NDUFB3: variants seen among roughly 807,000 people sequenced by gnomAD.
NDUFB3 encodes the protein NADH:ubiquinone oxidoreductase subunit B3.
In NDUFB3, 7 loss-of-function variants were observed where a neutral mutation model predicts 9.0. The observed-to-expected ratio is 0.78, with a 90% CI of 0.44 to 1.46. The LOEUF (loss-of-function observed/expected upper bound fraction) is 1.46. Among genes scored for constraint, NDUFB3 ranks in the 40% most tolerant of loss-of-function variants. NDUFB3 has a pLI of 0.01. For missense variants in NDUFB3, 93 were observed against 115.4 expected, an observed-to-expected ratio of 0.81 and a Z score of 0.89; for synonymous variants, 29 against 38.5, an observed-to-expected ratio of 0.75 and a Z score of 0.91.
rs370282012 is a variant in NDUFB3, at chr2:201,074,454, C to CTTT, written c.-3+2413_-3+2415dup. Among the ~76,000 whole-genome samples the CTTT allele has an allele frequency of 1.6e-3, 180 of 113,136 alleles. 7 individuals are homozygous for CTTT. The highest frequency in any genetic ancestry group is 5.3e-3 in the African/African-American group (145 of 27,240). 74.2% of individuals were successfully genotyped at this position (113,136 alleles called of 152,430 possible). ...GGCCATAAGGTATTCATATGTTCAG[C>CTTT]TTTTTTTTTTTTTTTTTTTTGAGAT... On this transcript the variant is annotated intron_variant, in intron 1 of 2. Transcript: ENST00000237889.
chr2:201,085,750 A>G lies in NDUFB3; in HGVS notation c.*135A>G, dbSNP rs1559151106. On this transcript the variant is annotated 3_prime_UTR_variant, in exon 3 of 3. Coordinates refer to ENST00000237889, the MANE Select transcript of NDUFB3 (RefSeq NM_002491.3). ...TCAATTAAAATATATATATATGCCA[A>G]TCTGCTTTTGTCATTCTTAAAAAAA... The G allele has an allele frequency of 3.0e-6, 2 of 659,306 alleles. No homozygotes were observed. Among genetic ancestry groups the G allele is most frequent in the Non-Finnish European group, 4.5e-6 (2 of 441,018 alleles). The allele number at this position is 659,306 out of a possible 1,614,324, so 40.8% of individuals were successfully genotyped here.
chr2:201,072,989 G>A (rs529040843), intron 1 of NDUFB3, among the ~76,000 whole-genome samples: 1 of 152,220 alleles, frequency 6.6e-6, no homozygotes, highest in Non-Finnish European at 1.5e-5. Context: ...TATATAAACA[G>A]TTATACAGTA....
chr2:201,075,773 T>C (rs1278229688), intron 1 of NDUFB3, among the ~76,000 whole-genome samples: 1 of 152,144 alleles, frequency 6.6e-6, no homozygotes, highest in African/African-American at 2.4e-5. Context: ...AATTTTGAAA[T>C]AGTCTTTATA....
Position 201,085,623 on chromosome 2 carries a change from A to T in NDUFB3, c.*8A>T. On this transcript the variant is annotated 3_prime_UTR_variant, in exon 3 of 3. Transcript: ENST00000237889. The stretch of plus-strand genomic sequence containing the variant: ...GATAAGAAGCATCACTGAAGATAAT[A>T]CCTGGAAGCATCATAGTGGTTTCTT... 1 of 1,605,944 alleles carries T rather than the reference A, an allele frequency of 6.2e-7. No individual in the cohort carries two copies. Among genetic ancestry groups the T allele is most frequent in the Non-Finnish European group, 8.5e-7 (1 of 1,176,724 alleles).
intron 1 of NDUFB3, among the ~76,000 whole-genome samples, chr2:201,076,337 C>A (rs1381536123): frequency 6.6e-6 from 1 of 151,658 alleles, no homozygotes; most frequent in Non-Finnish European, 1.5e-5. Context: ...TAGGGAGGGT[C>A]CATCGCTATA....
Position 201,078,919 on chromosome 2 carries a change from A to G in NDUFB3, c.37A>G (p.Lys13Glu). 1.2e-6 allele frequency: 2 copies of G among 1,612,542 alleles called. No homozygotes were observed. The highest frequency in any genetic ancestry group is 1.7e-6 in the Non-Finnish European group (2 of 1,179,632). ...HEHGHEHGHH[K>E]MELPDYRQWK... ...ACATGGACATGAGCATGGACATCAT[A>G]AAATGGAACTTCCAGATTATAGACA... is the stretch of plus-strand genomic sequence containing the variant. The change falls in exon 2 of 3, where the codon AAA becomes GAA. Residue 13 changes from lysine to glutamate, a missense_variant. Physicochemically the swap from Lys to Glu is moderately conservative, Grantham distance 56. Coordinates refer to ENST00000237889, the MANE Select transcript of NDUFB3 (RefSeq NM_002491.3).
At chr2:201,074,922 C>G (rs2047144719) in intron 1 of NDUFB3, among the ~76,000 whole-genome samples, 2 of 152,098 alleles carry the variant, frequency 1.3e-5, no homozygotes, top group African/African-American at 4.8e-5. Flanking sequence ...AACTGAAGTT[C>G]AGGGAAATTA....
At chr2:201,073,462 G>A (rs2047120893) in intron 1 of NDUFB3, among the ~76,000 whole-genome samples, 1 of 152,146 alleles carries the variant, frequency 6.6e-6, no homozygotes, top group Non-Finnish European at 1.5e-5. Flanking sequence ...TGGCTATAAA[G>A]GTTCTTTTAA....
chr2:201,082,757 A>G (rs2047242373), intron 2 of NDUFB3, among the ~76,000 whole-genome samples: 2 of 124,606 alleles, frequency 1.6e-5, no homozygotes, highest in South Asian at 4.9e-4. Flanking sequence ...CCCAGGCCGG[A>G]CTGCGGACTG....
chr2:201,075,528 T>G (rs2047154955), intron 1 of NDUFB3, among the ~76,000 whole-genome samples: 1 of 137,508 alleles, frequency 7.3e-6, no homozygotes, highest in South Asian at 2.2e-4. Flanking sequence ...ATTGCGCCAC[T>G]GTACTACAGC....
intron 2 of NDUFB3, among the ~76,000 whole-genome samples, chr2:201,084,050 G>C (rs1389346002): frequency 6.6e-6 from 1 of 152,110 alleles, no homozygotes; most frequent in African/African-American, 2.4e-5. Context: ...CAGCACTTTG[G>C]GAGGCCGAGG....
chr2:201,080,535 A>T (rs2047211007), intron 2 of NDUFB3, among the ~76,000 whole-genome samples: 1 of 152,060 alleles, frequency 6.6e-6, no homozygotes, highest in Non-Finnish European at 1.5e-5. Context: ...TGGCCACTGC[A>T]CTCCAACCTG....
In NDUFB3 at chr2:201,075,351, G is replaced by C. The variant is rs548571140; in HGVS notation, c.-3+3292G>C. 8.5e-5 allele frequency among the ~76,000 whole-genome samples: 13 copies of C among 152,054 alleles called. No individual in the cohort carries two copies. The South Asian group carries it at 2.7e-3, about 32-fold the overall frequency. Reference sequence around the variant, plus strand: ...GAGACCCAGGTGGGCGGATCACAAGGTCAGGAGATCGAGACCATCCTAGCT... The same window carrying C: ...GAGACCCAGGTGGGCGGATCACAAGCTCAGGAGATCGAGACCATCCTAGCT... On this transcript the variant is annotated intron_variant, in intron 1 of 2. Transcript: ENST00000237889.
chr2:201,080,905 G>A (rs760829102), intron 2 of NDUFB3, among the ~76,000 whole-genome samples: 19 of 150,982 alleles, frequency 1.3e-4, no homozygotes, highest in Admixed American at 7.9e-4. Flanking sequence ...GGGTTTCACC[G>A]TGTTAGCCAG....
intron 2 of NDUFB3, among the ~76,000 whole-genome samples, chr2:201,082,926 G>C (rs1455938128): frequency 6.7e-6 from 1 of 150,268 alleles, no homozygotes; most frequent in African/African-American, 2.5e-5. Context: ...TGTTAGCCAG[G>C]ATGGTCTCGA....
chr2:201,085,443 CTTT>C lies in NDUFB3; in HGVS notation c.141-7_141-5del. On this transcript the variant is annotated splice_polypyrimidine_tract_variant and intron_variant, in intron 2 of 2. Coordinates refer to ENST00000237889, the MANE Select transcript of NDUFB3 (RefSeq NM_002491.3). ...ACGTTGTGTATGATTATAATTTTTT[CTTT>C]TTTTTTTTCTAGCAATGAAGCTTGG... 1 of 1,207,506 alleles carries C rather than the reference CTTT, an allele frequency of 8.3e-7. No homozygotes were observed. The highest frequency in any genetic ancestry group is 1.1e-6 in the Non-Finnish European group (1 of 882,266). The allele number at this position is 1,207,506 out of a possible 1,614,324, so 74.8% of individuals were successfully genotyped here.
chr2:201,084,349 T>C (rs982955476), intron 2 of NDUFB3, among the ~76,000 whole-genome samples: 4 of 151,724 alleles, frequency 2.6e-5, no homozygotes, highest in Non-Finnish European at 4.4e-5. Context: ...TAATCCCAGC[T>C]ACTCAGGAGG....
At chr2:201,079,954 G>C (rs565304940) in intron 2 of NDUFB3, 1 of 152,246 alleles carries the variant, frequency 6.6e-6, no homozygotes, top group South Asian at 2.1e-4. Context: ...TTTTCTCACA[G>C]TGTGGCTTAT....
At chr2:201,079,391 C>T (rs1031918577) in intron 2 of NDUFB3, among the ~76,000 whole-genome samples, 2 of 152,076 alleles carry the variant, frequency 1.3e-5, no homozygotes, top group African/African-American at 4.8e-5. Context: ...GATCCACCTG[C>T]CTCAGCCTCC....
Sources: gnomAD v4.1 joint callset for allele counts (sites outside exome capture counted in the v4.1 genomes callset) on GRCh38, gnomAD v4.1.1 for gene constraint, MANE v1.5 for transcripts, NCBI Gene and HGNC (gene_info 2026-07-23, HGNC 2026-07-21) for gene names.